The following PRICKLE2 variants were observed in gnomAD, a reference collection of about 807,000 sequenced individuals.
PRICKLE2 encodes prickle planar cell polarity protein 2, also known as prickle-like protein 2.
Under a neutral mutation model 81.4 loss-of-function variants are expected in PRICKLE2, and 21 were observed. The observed-to-expected ratio is 0.26, with a 90% CI of 0.18 to 0.37. The LOEUF (loss-of-function observed/expected upper bound fraction) is 0.37. PRICKLE2 is among the 10% of genes least tolerant of loss of function. The pLI is 1.00. For synonymous variants in PRICKLE2, 456 were observed against 421.5 expected (o/e 1.08, Z -1.00); for missense variants, 940 against 1,109.0 (o/e 0.85, Z 2.16).
Position 64,094,730 on chromosome 3 carries a change from A to T in PRICKLE2, c.*4321T>A, listed in dbSNP as rs1039751302. ...AATAAGCTCTGGTATCTGCTGAGGC[A>T]CCAGAGGGACAAACCACTGGAGACA... is the stretch of plus-strand genomic sequence containing the variant. On this transcript the variant is annotated 3_prime_UTR_variant, in exon 8 of 8. Transcript: ENST00000638394. 1 of 152,676 alleles carries T rather than the reference A, an allele frequency of 6.5e-6. No individual in the cohort carries two copies. The highest frequency in any genetic ancestry group is 1.5e-5 in the Non-Finnish European group (1 of 68,048). 9.5% of individuals were successfully genotyped at this position (152,676 alleles called of 1,614,324 possible).
At chr3:64,160,193 G>A (rs1575603582) in intron 3 of PRICKLE2, 116 bp from the exon 4 acceptor site, 17 of 1,122,802 alleles carry the variant, frequency 1.5e-5, no homozygotes, top group East Asian at 2.4e-5. Context: ...TATAGCCCTC[G>A]CCTGAACTTT....
chr3:64,162,588 C>T (rs145162736), intron 3 of PRICKLE2, among the ~76,000 whole-genome samples: 175 of 152,278 alleles, frequency 1.1e-3, no homozygotes, highest in African/African-American at 3.9e-3. Context: ...AAAACTTGCA[C>T]GCTCATTTAA....
chr3:64,247,532 G>T (rs1184507072), intron 2 of PRICKLE2, among the ~76,000 whole-genome samples: 3 of 152,058 alleles, frequency 2.0e-5, no homozygotes, highest in Non-Finnish European at 4.4e-5. Context: ...TTTAATTGTA[G>T]GTGGATTCTT....
At chr3:64,222,092 C>G (rs560083634) in intron 1 of PRICKLE2, among the ~76,000 whole-genome samples, 1 of 152,296 alleles carries the variant, frequency 6.6e-6, no homozygotes, top group Admixed American at 6.5e-5. Context: ...GCTCAACATC[C>G]AGTCAGTACC....
At chr3:64,172,510 T>C (rs1236498259) in intron 2 of PRICKLE2, among the ~76,000 whole-genome samples, 1 of 152,254 alleles carries the variant, frequency 6.6e-6, no homozygotes, top group East Asian at 1.9e-4. Flanking sequence ...ATTTGATCTC[T>C]TGTAGAAAGT....
intron 2 of PRICKLE2, among the ~76,000 whole-genome samples, chr3:64,198,166 C>T (rs9872364): frequency 0.017 from 2,621 of 151,460 alleles, 63 homozygotes; most frequent in African/African-American, 0.058. Flanking sequence ...GAGCCAAGAT[C>T]GCGCCACTGC....
At chr3:64,209,625 A>G (rs1402644323) in intron 1 of PRICKLE2, among the ~76,000 whole-genome samples, 1 of 152,096 alleles carries the variant, frequency 6.6e-6, no homozygotes, top group Non-Finnish European at 1.5e-5. Flanking sequence ...CAACCAACCA[A>G]CTGCCCACCC....
At chr3:64,111,080 T>C (rs1292352683) in intron 7 of PRICKLE2, among the ~76,000 whole-genome samples, 1 of 152,174 alleles carries the variant, frequency 6.6e-6, no homozygotes, top group African/African-American at 2.4e-5. Context: ...CACCTTCCAG[T>C]TCTGTCCCTT....
chr3:64,139,990 C>A (rs916822418), intron 7 of PRICKLE2, among the ~76,000 whole-genome samples: 1 of 152,212 alleles, frequency 6.6e-6, no homozygotes, highest in South Asian at 2.1e-4. Context: ...CTGTGAGGTA[C>A]AAGAGGGCAA....
chr3:64,136,457 G>T (rs555490973), intron 7 of PRICKLE2, among the ~76,000 whole-genome samples: 2 of 149,582 alleles, frequency 1.3e-5, no homozygotes, highest in South Asian at 4.3e-4. Flanking sequence ...CAATTGACAA[G>T]CATCCTAGAT....
At chr3:64,191,007 C>T (rs1332291663) in intron 2 of PRICKLE2, among the ~76,000 whole-genome samples, 2 of 152,146 alleles carry the variant, frequency 1.3e-5, no homozygotes, top group African/African-American at 4.8e-5. Flanking sequence ...GAGGCTCCAT[C>T]TGGGGCCCTG....
At chr3:64,119,152 T>A (rs1478825882) in intron 7 of PRICKLE2, among the ~76,000 whole-genome samples, 2 of 152,126 alleles carry the variant, frequency 1.3e-5, no homozygotes, top group Non-Finnish European at 2.9e-5. Context: ...TTCTTACTTA[T>A]AAGTGGGAGC....
intron 2 of PRICKLE2, among the ~76,000 whole-genome samples, chr3:64,197,912 A>G (rs2078487530): frequency 6.6e-6 from 1 of 152,176 alleles, no homozygotes. Flanking sequence ...TTTCCAAGTT[A>G]AAATTTCAAG....
rs1169935721 is a variant in PRICKLE2 at position 64,164,057 on chromosome 3, T to C, written c.145-928A>G. On this transcript the variant is annotated intron_variant, in intron 2 of 7. Coordinates refer to ENST00000638394, the MANE Select transcript of PRICKLE2 (RefSeq NM_198859.4). The stretch of plus-strand genomic sequence containing the variant: ...GCATTCATTCAACAAATGGAGAAGA[T>C]GGAAGACTGAGGGCTCTGAAAGTCA... The C allele has an allele frequency of 2.0e-5, 3 of 152,098 alleles. 1 individual carries two copies. Among genetic ancestry groups the C allele is most frequent in the South Asian group, 4.1e-4 (2 of 4,832 alleles). 9.4% of individuals were successfully genotyped at this position (152,098 alleles called of 1,614,324 possible).
chr3:64,095,560 T>C lies in PRICKLE2; in HGVS notation c.*3491A>G, dbSNP rs153730. 55,737 of 152,034 alleles carry C rather than the reference T, an allele frequency of 0.37. 10,822 individuals carry two copies. Among genetic ancestry groups the C allele is most frequent in the South Asian group, 0.51 (2,454 of 4,826 alleles). The allele number at this position is 152,034 out of a possible 1,614,324, so 9.4% of individuals were successfully genotyped here. A position where few individuals can be genotyped will look rare whatever the true frequency, so the allele number is the denominator to read the frequency against. On this transcript the variant is annotated 3_prime_UTR_variant, in exon 8 of 8. Transcript: ENST00000638394. The stretch of plus-strand genomic sequence containing the variant: ...CTTGCAGGGAGCGCAGAGCACATGC[T>C]ACATATATGTCATCACAGGCCTCAC...
intron 2 of PRICKLE2, among the ~76,000 whole-genome samples, chr3:64,240,761 A>G (rs1005134246): frequency 1.3e-5 from 2 of 152,240 alleles, no homozygotes; most frequent in Non-Finnish European, 2.9e-5. Context: ...CCAGACCTAC[A>G]GAATCTGTAA....
At chr3:64,257,115 C>A (rs1375693545) in intron 2 of PRICKLE2, among the ~76,000 whole-genome samples, 1 of 152,152 alleles carries the variant, frequency 6.6e-6, no homozygotes, top group Non-Finnish European at 1.5e-5. Context: ...CATTTGGGAT[C>A]CAGGAAAAGT....
chr3:64,264,622 T>G (rs1403547507), intron 2 of PRICKLE2, among the ~76,000 whole-genome samples: 2 of 152,234 alleles, frequency 1.3e-5, no homozygotes, highest in African/African-American at 4.8e-5. Flanking sequence ...AACAGATGTT[T>G]GCTTATCCCC....
At chr3:64,110,910 C>T (rs933340135) in intron 7 of PRICKLE2, among the ~76,000 whole-genome samples, 7 of 135,022 alleles carry the variant, frequency 5.2e-5, no homozygotes, top group Non-Finnish European at 1.1e-4. Flanking sequence ...TGCAGTAAGC[C>T]GAGATCGTGC....
Sources: allele counts gnomAD v4.1 joint callset (sites outside exome capture counted in the v4.1 genomes callset), GRCh38; gene constraint gnomAD v4.1.1; transcripts MANE v1.5; gene names NCBI Gene and HGNC (gene_info 2026-07-23, HGNC 2026-07-21).